CNTNAP2: variants seen among roughly 807,000 people sequenced by gnomAD.
CNTNAP2 encodes contactin-associated protein-like 2.
CNTNAP2 carries 98 observed loss-of-function variants against 155.2 expected under a neutral mutation model. That is an observed-to-expected ratio of 0.63 (90% CI 0.54 to 0.75). The LOEUF (loss-of-function observed/expected upper bound fraction) is 0.75. Ranked by LOEUF, CNTNAP2 falls within the 30% of genes least tolerant of loss-of-function variation. The pLI is 0.00. For missense variants in CNTNAP2, 1,727 were observed against 1,688.1 expected (o/e 1.02, Z -0.40); for synonymous variants, 651 against 631.2 (o/e 1.03, Z -0.47).
intron 13 of CNTNAP2, among the ~76,000 whole-genome samples, chr7:147,820,630 A>T (rs1248967374): frequency 6.6e-6 from 1 of 152,076 alleles, no homozygotes; most frequent in East Asian, 1.9e-4. Flanking sequence ...TTTCTTCCAA[A>T]AGTTTCATAA....
At chr7:146,186,895 A>T (rs1798632108) in intron 1 of CNTNAP2, among the ~76,000 whole-genome samples, 1 of 152,158 alleles carries the variant, frequency 6.6e-6, no homozygotes, top group African/African-American at 2.4e-5. Flanking sequence ...TAATGCATTC[A>T]AACAACTTAC....
rs527610947 is a variant in CNTNAP2, at chr7:147,217,370, AT to A, written c.1349-82763del. ...TGTTTTTATCATAAATGGGTGATAG[AT>A]TTTTTTTCAGATAATTTCTCTGCAT... On this transcript the variant is annotated intron_variant, in intron 8 of 23. Coordinates refer to ENST00000361727, the MANE Select transcript of CNTNAP2 (RefSeq NM_014141.6). 2.7e-3 allele frequency among the ~76,000 whole-genome samples: 414 copies of A among 151,444 alleles called. 1 individual carries two copies. Among genetic ancestry groups the A allele is most frequent in the African/African-American group, 9.2e-3 (379 of 41,332 alleles).
chr7:146,876,005 G>A (rs1439635451), intron 3 of CNTNAP2, among the ~76,000 whole-genome samples: 1 of 150,188 alleles, frequency 6.7e-6, no homozygotes, highest in Non-Finnish European at 1.5e-5. Context: ...CATCTTTTTG[G>A]GGGCAGGAGT....
chr7:146,611,607 T>A lies in CNTNAP2; in HGVS notation c.98-162664T>A, dbSNP rs201947726. ...CATTGAAACAGGAATCTTAAGAGACTGTATCTACAAAGAACATTTCTTGTA... is the reference window on the plus strand; with the variant it reads ...CATTGAAACAGGAATCTTAAGAGACAGTATCTACAAAGAACATTTCTTGTA... On this transcript the variant is annotated intron_variant, in intron 1 of 23. Transcript: ENST00000361727. Among the ~76,000 whole-genome samples the A allele has an allele frequency of 2.5e-4, 38 of 152,320 alleles. 1 individual carries two copies. The East Asian group carries it at 6.9e-3, about 28-fold the overall frequency.
intron 13 of CNTNAP2, among the ~76,000 whole-genome samples, chr7:147,674,675 A>T (rs796685816): frequency 2.6e-5 from 4 of 152,282 alleles, no homozygotes; most frequent in African/African-American, 9.6e-5. Context: ...TCATCATGAT[A>T]AGATTCAAAG....
chr7:146,128,629 T>C (rs938402648), intron 1 of CNTNAP2, among the ~76,000 whole-genome samples: 1 of 152,164 alleles, frequency 6.6e-6, no homozygotes, highest in Non-Finnish European at 1.5e-5. Context: ...TATATTTACT[T>C]ATGTCCTCCA....
At chr7:148,248,065 C>T (rs1796304015) in intron 20 of CNTNAP2, among the ~76,000 whole-genome samples, 2 of 152,222 alleles carry the variant, frequency 1.3e-5, no homozygotes, top group South Asian at 4.1e-4. Flanking sequence ...GTAGCCACCA[C>T]CACACTCAAA....
intron 11 of CNTNAP2, among the ~76,000 whole-genome samples, chr7:147,521,462 C>T (rs953284323): frequency 1.3e-5 from 2 of 152,180 alleles, no homozygotes; most frequent in Admixed American, 1.3e-4. Context: ...AGGCATACTG[C>T]TAATATTACT....
intron 1 of CNTNAP2, among the ~76,000 whole-genome samples, chr7:146,513,359 G>A (rs1797495704): frequency 1.3e-5 from 2 of 151,766 alleles, no homozygotes; most frequent in African/African-American, 4.8e-5. Flanking sequence ...CTGATGTTTT[G>A]TAACTCCTCT....
At chr7:147,857,541 A>G (rs1799060529) in intron 13 of CNTNAP2, among the ~76,000 whole-genome samples, 1 of 152,208 alleles carries the variant, frequency 6.6e-6, no homozygotes, top group Non-Finnish European at 1.5e-5. Flanking sequence ...GATAAATATT[A>G]AAACTAAATT....
chr7:147,005,960 T>C (rs1427032970), intron 3 of CNTNAP2, among the ~76,000 whole-genome samples: 1 of 152,052 alleles, frequency 6.6e-6, no homozygotes, highest in African/African-American at 2.4e-5. Context: ...ATAGTCTTTT[T>C]ATTTTACTTA....
chr7:147,606,900 C>G (rs1190062470), intron 12 of CNTNAP2, among the ~76,000 whole-genome samples: 2 of 137,066 alleles, frequency 1.5e-5, no homozygotes, highest in Non-Finnish European at 3.1e-5. Flanking sequence ...GATTTAGAGG[C>G]ACTTGAATAT....
chr7:147,575,972 C>T (rs1800389810), intron 12 of CNTNAP2, among the ~76,000 whole-genome samples: 1 of 151,994 alleles, frequency 6.6e-6, no homozygotes, highest in South Asian at 2.1e-4. Context: ...GCTGTTTACA[C>T]AAAGAATATA....
intron 1 of CNTNAP2, among the ~76,000 whole-genome samples, chr7:146,326,206 A>G (rs1022597498): frequency 6.6e-6 from 1 of 152,160 alleles, no homozygotes; most frequent in South Asian, 2.1e-4. Context: ...TCACACACAC[A>G]TGCCTGATAA....
chr7:148,380,387 GC>G (rs1212793807), intron 21 of CNTNAP2, among the ~76,000 whole-genome samples: 9 of 152,156 alleles, frequency 5.9e-5, no homozygotes, highest in Admixed American at 3.9e-4. Flanking sequence ...ACTTTGTGGT[GC>G]TATCAATGAT....
Position 146,354,230 on chromosome 7 carries a change from TTCTA to T in CNTNAP2, c.97+237258_97+237261del, listed in dbSNP as rs372732172. On this transcript the variant is annotated intron_variant, in intron 1 of 23. Coordinates refer to ENST00000361727, the MANE Select transcript of CNTNAP2 (RefSeq NM_014141.6). ...CCACTTATCCACTGTGAGCTTTAGA[TTCTA>T]AATGCGTAAACAGACATCCTGTTGC... Among the ~76,000 whole-genome samples the T allele has an allele frequency of 2.5e-3, 385 of 152,290 alleles. 5 individuals carry two copies. The highest frequency in any genetic ancestry group is 8.7e-3 in the African/African-American group (360 of 41,562).
intron 9 of CNTNAP2, among the ~76,000 whole-genome samples, chr7:147,356,902 T>C (rs1469866047): frequency 2.6e-5 from 4 of 152,130 alleles, no homozygotes; most frequent in Admixed American, 2.6e-4. Flanking sequence ...TACTGCAAGT[T>C]GGAACCAAAC....
At position 147,583,531 on chromosome 7, in the gene CNTNAP2, T is replaced by TATATATAA. The variant is rs1280154794; in HGVS notation, c.1897+21275_1897+21276insTATATAAA. On this transcript the variant is annotated intron_variant, in intron 12 of 23. Coordinates refer to ENST00000361727, the MANE Select transcript of CNTNAP2 (RefSeq NM_014141.6). ...ATATATATATATATATATATATATA[T>TATATATAA]AATGTCAAACAGATTAAAATTAGTT... 1.6e-4 allele frequency among the ~76,000 whole-genome samples: 22 copies of TATATATAA among 140,598 alleles called. 1 individual carries two copies. The highest frequency in any genetic ancestry group is 5.5e-4 in the African/African-American group (21 of 37,868). 92.2% of individuals were successfully genotyped at this position (140,598 alleles called of 152,430 possible). A position where few individuals can be genotyped will look rare whatever the true frequency, so the allele number is the denominator to read the frequency against.
At chr7:148,232,451 G>T (rs1312119132) in intron 20 of CNTNAP2, among the ~76,000 whole-genome samples, 2 of 152,078 alleles carry the variant, frequency 1.3e-5, no homozygotes, top group African/African-American at 4.8e-5. Context: ...GTGTGTGAAG[G>T]GATTATCAAT....
Sources: allele counts gnomAD v4.1 joint callset (sites outside exome capture counted in the v4.1 genomes callset), GRCh38; gene constraint gnomAD v4.1.1; transcripts MANE v1.5; gene names NCBI Gene and HGNC (gene_info 2026-07-23, HGNC 2026-07-21).